CADM1: variants seen among roughly 807,000 people sequenced by gnomAD.
CADM1 encodes the protein cell adhesion molecule 1.
In CADM1, 15 loss-of-function variants were observed where a neutral mutation model predicts 53.1. That is an observed-to-expected ratio of 0.28 (90% CI 0.19 to 0.44). The LOEUF (loss-of-function observed/expected upper bound fraction) is 0.44. CADM1 is among the 20% of genes least tolerant of loss of function. The probability of loss-of-function intolerance (pLI) is 1.00; values close to 1 mark genes in which losing one functional copy is unlikely to be tolerated. For missense variants in CADM1, 434 were observed against 611.3 expected (o/e 0.71, Z 3.06); for synonymous variants, 281 against 243.0 (o/e 1.16, Z -1.45).
intron 1 of CADM1, among the ~76,000 whole-genome samples, chr11:115,261,995 G>C (rs1302877156): frequency 6.6e-6 from 1 of 151,950 alleles, no homozygotes; most frequent in Non-Finnish European, 1.5e-5. Context: ...TAGCCAGGAT[G>C]GTCTCGATCT....
At chr11:115,363,337 A>G (rs1353893207) in intron 1 of CADM1, among the ~76,000 whole-genome samples, 1 of 152,200 alleles carries the variant, frequency 6.6e-6, no homozygotes, top group Non-Finnish European at 1.5e-5. Flanking sequence ...TCTAAATTCT[A>G]CTGCATCATT....
intron 1 of CADM1, among the ~76,000 whole-genome samples, chr11:115,438,268 A>T (rs1481283849): frequency 1.3e-5 from 2 of 152,164 alleles, no homozygotes; most frequent in Non-Finnish European, 2.9e-5. Context: ...TAAGCATTCT[A>T]TTCCTGAATA....
intron 1 of CADM1, among the ~76,000 whole-genome samples, chr11:115,355,623 T>C (rs1283967147): frequency 6.6e-6 from 1 of 151,160 alleles, no homozygotes; most frequent in Non-Finnish European, 1.5e-5. Context: ...AAAAAAAAGG[T>C]ATAAAAAAGA....
intron 7 of CADM1, 150 bp from the exon 8 acceptor site, chr11:115,209,807 C>G: frequency 3.3e-6 from 3 of 917,450 alleles, no homozygotes; most frequent in South Asian, 3.3e-5. Flanking sequence ...AGATTTATGT[C>G]TTGTAATTAT....
At position 115,337,304 on chromosome 11, in the gene CADM1, T is replaced by C. The variant is rs142849721; in HGVS notation, c.125-96884A>G. 5.0e-3 allele frequency among the ~76,000 whole-genome samples: 769 copies of C among 152,322 alleles called. 9 individuals carry two copies. The highest frequency in any genetic ancestry group is 0.018 in the African/African-American group (736 of 41,574). On this transcript the variant is annotated intron_variant, in intron 1 of 11. Coordinates refer to ENST00000331581, the MANE Select transcript of CADM1 (RefSeq NM_001301043.2). ...TGCTAATTTGATAGGTTGTAGACAT[T>C]AGGTGTTGCAGGTAACAGAATTTCT...
chr11:115,345,105 A>T (rs1444282826), intron 1 of CADM1, among the ~76,000 whole-genome samples: 3 of 152,188 alleles, frequency 2.0e-5, no homozygotes, highest in African/African-American at 7.2e-5. Context: ...GGGACAGCAA[A>T]CAATTTGGTC....
chr11:115,213,669 A>G (rs1470526912), intron 7 of CADM1, among the ~76,000 whole-genome samples: 1 of 152,224 alleles, frequency 6.6e-6, no homozygotes, highest in Non-Finnish European at 1.5e-5. Flanking sequence ...GTATCTAAAC[A>G]TTTATTCATA....
At chr11:115,272,096 C>T (rs1168578707) in intron 1 of CADM1, among the ~76,000 whole-genome samples, 2 of 148,772 alleles carry the variant, frequency 1.3e-5, no homozygotes, top group East Asian at 2.0e-4. Flanking sequence ...TTTTTAGGAA[C>T]TTGCAAAGAC....
At chr11:115,495,417 A>G (rs1265298183) in intron 1 of CADM1, among the ~76,000 whole-genome samples, 2 of 152,206 alleles carry the variant, frequency 1.3e-5, no homozygotes, top group African/African-American at 4.8e-5. Context: ...TCTACTAGCA[A>G]GAACTGAACT....
intron 1 of CADM1, among the ~76,000 whole-genome samples, chr11:115,294,995 C>T (rs779360835): frequency 1.9e-4 from 29 of 152,184 alleles, no homozygotes; most frequent in Admixed American, 3.9e-4. Context: ...GCCGAGATCA[C>T]GCCACTGCAC....
intron 6 of CADM1, among the ~76,000 whole-genome samples, chr11:115,216,378 T>C (rs1323922644): frequency 2.0e-5 from 3 of 152,094 alleles, no homozygotes; most frequent in Non-Finnish European, 2.9e-5. Flanking sequence ...AGGGGAAAAA[T>C]ACAAAAACAA....
intron 1 of CADM1, among the ~76,000 whole-genome samples, chr11:115,329,628 C>T (rs962276418): frequency 3.3e-5 from 5 of 152,108 alleles, no homozygotes; most frequent in African/African-American, 1.2e-4. Context: ...AGTGGGTGTG[C>T]TACAGTGCTC....
chr11:115,440,817 T>C, intron 1 of CADM1, among the ~76,000 whole-genome samples: 1 of 152,194 alleles, frequency 6.6e-6, no homozygotes, highest in Non-Finnish European at 1.5e-5. Flanking sequence ...CTCACTCCAT[T>C]GCCCACGCTA....
chr11:115,439,389 C>T (rs940740884), intron 1 of CADM1, among the ~76,000 whole-genome samples: 1 of 152,138 alleles, frequency 6.6e-6, no homozygotes, highest in African/African-American at 2.4e-5. Context: ...CTAGCTATCC[C>T]ACCCTGTTTT....
At chr11:115,446,460 G>C (rs1187801044) in intron 1 of CADM1, among the ~76,000 whole-genome samples, 2 of 152,124 alleles carry the variant, frequency 1.3e-5, no homozygotes, top group African/African-American at 2.4e-5. Context: ...GTTTGGAACT[G>C]CTGCCAAAAG....
intron 8 of CADM1, among the ~76,000 whole-genome samples, chr11:115,199,505 C>A (rs998386592): frequency 6.6e-6 from 1 of 152,180 alleles, no homozygotes. Context: ...CTCCTGTTCA[C>A]AAGAAATTCC....
chr11:115,201,570 G>T (rs1940429935), intron 8 of CADM1, among the ~76,000 whole-genome samples: 1 of 152,186 alleles, frequency 6.6e-6, no homozygotes, highest in Non-Finnish European at 1.5e-5. Flanking sequence ...TGACCATATT[G>T]TTGGGTAACA....
At chr11:115,221,229 C>T (rs916980975) in intron 5 of CADM1, among the ~76,000 whole-genome samples, 42 of 152,268 alleles carry the variant, frequency 2.8e-4, no homozygotes, top group African/African-American at 8.9e-4. Context: ...TAGGTCTGTA[C>T]ACTTAAAGAA....
intron 1 of CADM1, among the ~76,000 whole-genome samples, chr11:115,326,244 T>C (rs1315027249): frequency 6.6e-6 from 1 of 152,186 alleles, no homozygotes; most frequent in African/African-American, 2.4e-5. Context: ...GAAATCATTA[T>C]CAACACTGAT....
Sources: gnomAD v4.1 joint callset for allele counts (sites outside exome capture counted in the v4.1 genomes callset) on GRCh38, gnomAD v4.1.1 for gene constraint, MANE v1.5 for transcripts, NCBI Gene and HGNC (gene_info 2026-07-23, HGNC 2026-07-21) for gene names.